CCDC40: variants seen among roughly 807,000 people sequenced by gnomAD.
The protein encoded by CCDC40 is coiled-coil domain-containing protein 40.
A neutral mutation model predicts 124.5 loss-of-function variants in CCDC40; 104 were observed. The ratio of observed to expected loss-of-function variants is 0.84; its 90% CI spans 0.71 to 0.98. The LOEUF (loss-of-function observed/expected upper bound fraction) is 0.98, where lower values mean the gene tolerates loss of function less well. CCDC40 is among the 50% of genes least tolerant of loss of function. CCDC40 has a pLI of 0.00. For synonymous variants in CCDC40, 580 were observed against 602.9 expected, an observed-to-expected ratio of 0.96 and a Z score of 0.56; for missense variants, 1,463 against 1,503.9, an observed-to-expected ratio of 0.97 and a Z score of 0.45.
chr17:80,068,828 C>T (rs1027446115), intron 10 of CCDC40, among the ~76,000 whole-genome samples: 2 of 152,184 alleles, frequency 1.3e-5, no homozygotes, highest in South Asian at 2.1e-4. Context: ...GAAATATAAA[C>T]ACCAAAGAAC....
intron 3 of CCDC40, among the ~76,000 whole-genome samples, chr17:80,043,607 T>C: frequency 1.1e-5 from 1 of 93,474 alleles, no homozygotes; most frequent in African/African-American, 1.0e-4. Flanking sequence ...TCCTCTTCCT[T>C]TTTTTTTTTT....
chr17:80,090,827 A>C, intron 17 of CCDC40: 1 of 1,186,152 alleles, frequency 8.4e-7, no homozygotes, highest in Non-Finnish European at 1.0e-6. Flanking sequence ...GCTAAATAGA[A>C]ATTCCTCTGC....
intron 10 of CCDC40, among the ~76,000 whole-genome samples, chr17:80,069,520 CAGA>C (rs146729952): frequency 0.015 from 2,247 of 152,258 alleles, 57 homozygotes; most frequent in African/African-American, 0.051. Context: ...CCGAGGCGGG[CAGA>C]TCACGAGCTC....
intron 3 of CCDC40, among the ~76,000 whole-genome samples, chr17:80,042,993 A>C (rs2037321083): frequency 6.6e-6 from 1 of 152,128 alleles, no homozygotes; most frequent in Non-Finnish European, 1.5e-5. Context: ...CAGATGTTCA[A>C]GCAACCCCGC....
At chr17:80,078,474 G>A (rs1325833078) in intron 10 of CCDC40, among the ~76,000 whole-genome samples, 1 of 152,118 alleles carries the variant, frequency 6.6e-6, no homozygotes, top group Non-Finnish European at 1.5e-5. Flanking sequence ...GTATGAGCGG[G>A]GTCCAGGCTC....
chr17:80,094,620 G>A (rs1489945462), intron 17 of CCDC40, among the ~76,000 whole-genome samples: 1 of 152,118 alleles, frequency 6.6e-6, no homozygotes. Context: ...ACTTGAACCC[G>A]GGAGGCGAAG....
intron 17 of CCDC40, among the ~76,000 whole-genome samples, chr17:80,092,779 A>G (rs768254551): frequency 6.6e-6 from 1 of 151,684 alleles, no homozygotes; most frequent in Non-Finnish European, 1.5e-5. Flanking sequence ...CCCACCCCTC[A>G]GTCTGTTCTT....
At chr17:80,099,153 T>C (rs11654594) in intron 19 of CCDC40, among the ~76,000 whole-genome samples, 8,880 of 150,208 alleles carry the variant, frequency 0.059, 335 homozygotes, top group Non-Finnish European at 0.088. Context: ...TAGCCGGGCC[T>C]GGTGACGGGC....
At chr17:80,072,741 G>A (rs1192572740) in intron 10 of CCDC40, among the ~76,000 whole-genome samples, 2 of 152,112 alleles carry the variant, frequency 1.3e-5, no homozygotes, top group Non-Finnish European at 2.9e-5. Context: ...CACCCATGTT[G>A]CAAGATCAGT....
Position 80,058,949 on chromosome 17 carries a change from A to G in CCDC40, c.1409A>G (p.Asp470Gly), listed in dbSNP as rs754833822. 1.7e-5 allele frequency: 28 copies of G among 1,614,166 alleles called. No individual in the cohort carries two copies. The highest frequency in any genetic ancestry group is 1.1e-4 in the South Asian group (10 of 91,084). Residue 470 changes from aspartate (D) to glycine (G), a missense_variant, in exon 9 of 20, where the codon GAC (aspartate) becomes GGC (glycine). Transcript: ENST00000397545. The surrounding 1 kb of genome is among the most constrained non-coding windows in gnomAD (Gnocchi z 4.2). ...FEAQYLAQAE[D>G]TRILRKAVSE... Reference sequence around the variant, plus strand: ...GCTCAGTACTTGGCCCAAGCTGAGGACACCCGGATTTTAAGGAAAGCAGTG... The same window carrying G: ...GCTCAGTACTTGGCCCAAGCTGAGGGCACCCGGATTTTAAGGAAAGCAGTG...
At chr17:80,093,986 C>A (rs2038762402) in intron 17 of CCDC40, among the ~76,000 whole-genome samples, 1 of 152,158 alleles carries the variant, frequency 6.6e-6, no homozygotes, top group African/African-American at 2.4e-5. Context: ...CTCCAAGTCA[C>A]TTTATGGTAC....
chr17:80,065,599 G>A lies in CCDC40; in HGVS notation c.1555G>A (p.Ala519Thr), dbSNP rs377717807. 9 of 1,612,358 alleles carry A rather than the reference G, an allele frequency of 5.6e-6. No homozygotes were observed. In the African/African-American group the frequency reaches 1.2e-4, roughly 22 times the overall value. ...CGAGGCGCACAGGGCGGTGCTGGAG[G>A]CGCTCAGGTACTGCAGGGCCACAGG... Reference protein sequence around the residue: ...RDEAHRAVLEALRGCQHQAKS... With the variant: ...RDEAHRAVLETLRGCQHQAKS... The change falls in exon 10 of 20, where the codon GCG becomes ACG. Residue 519 changes from alanine (A) to threonine (T), a missense_variant. Ala to Thr is a moderately conservative substitution (Grantham distance 58). Coordinates refer to ENST00000397545, the MANE Select transcript of CCDC40 (RefSeq NM_017950.4).
At chr17:80,067,322 G>C (rs780281530) in intron 10 of CCDC40, 1 of 575,952 alleles carries the variant, frequency 1.7e-6, no homozygotes, top group Admixed American at 3.1e-5. Context: ...TCCTCGGCCC[G>C]CAGTCACTAG....
intron 10 of CCDC40, among the ~76,000 whole-genome samples, chr17:80,078,401 C>T (rs1466158659): frequency 4.6e-5 from 7 of 151,790 alleles, no homozygotes; most frequent in Admixed American, 1.3e-4. Flanking sequence ...CCAAGTTTTC[C>T]ACTAAAGTTT....
intron 10 of CCDC40, among the ~76,000 whole-genome samples, chr17:80,078,128 G>A (rs1020374441): frequency 3.0e-4 from 46 of 151,986 alleles, no homozygotes; most frequent in African/African-American, 1.1e-3. Flanking sequence ...TCAGGAGATT[G>A]AGACCATCCT....
chr17:80,051,203 T>C (rs1238313978), intron 7 of CCDC40: 1 of 312,246 alleles, frequency 3.2e-6, no homozygotes, highest in Non-Finnish European at 4.7e-6. Context: ...AATGGGGAAA[T>C]GACCTACACA....
Position 80,050,237 on chromosome 17 carries a change from T to C in CCDC40, c.1113T>C (p.Ala371=). The C allele has an allele frequency of 6.3e-7, 1 of 1,595,818 alleles. No individual in the cohort carries two copies. The highest frequency in any genetic ancestry group is 8.5e-7 in the Non-Finnish European group (1 of 1,173,028). The change falls in exon 7 of 20, where the codon GCT becomes GCC. Residue 371 remains alanine (A), a synonymous_variant. Transcript: ENST00000397545. ...QKEEELQAAR[A]LYTKTCAAAN... is the part of the protein sequence containing the mutation. Reference sequence around the variant, plus strand: ...AGGAGGAGCTGCAGGCCGCCCGCGCTCTCTACACCAAGACCTGCGCAGCCG... The same window carrying C: ...AGGAGGAGCTGCAGGCCGCCCGCGCCCTCTACACCAAGACCTGCGCAGCCG...
At chr17:80,089,636 G>A (rs966537678) in intron 16 of CCDC40, 128 bp from the exon 17 acceptor site, 143 of 1,098,442 alleles carry the variant, frequency 1.3e-4, no homozygotes, top group Admixed American at 1.6e-4. Context: ...AGAGCCTCAC[G>A]CTTTCTGTCG....
intron 9 of CCDC40, among the ~76,000 whole-genome samples, chr17:80,064,794 A>G (rs958602252): frequency 6.9e-6 from 1 of 145,298 alleles, no homozygotes; most frequent in Non-Finnish European, 1.5e-5. Context: ...CTGGCTGTCC[A>G]GTTGTGCCTC....
Sources: gnomAD v4.1 joint callset for allele counts (sites outside exome capture counted in the v4.1 genomes callset) on GRCh38, gnomAD v4.1.1 for gene constraint, Gnocchi (gnomAD v3.1) non-coding constraint, MANE v1.5 for transcripts, NCBI Gene and HGNC (gene_info 2026-07-23, HGNC 2026-07-21) for gene names.